The following RBFOX1 variants were observed in gnomAD, a reference collection of about 807,000 sequenced individuals.
RBFOX1 encodes RNA binding fox-1 homolog 1, also known as RNA binding protein fox-1 homolog 1.
A neutral mutation model predicts 57.7 loss-of-function variants in RBFOX1; 8 were observed. That is an observed-to-expected ratio of 0.14 (90% CI 0.08 to 0.25). The LOEUF (loss-of-function observed/expected upper bound fraction) is 0.25. Among genes scored for constraint, RBFOX1 ranks in the 10% least tolerant of loss-of-function variants. The pLI, the probability that RBFOX1 is intolerant of heterozygous loss-of-function variation, is 1.00. For missense variants in RBFOX1, 611 were observed against 548.5 expected, an observed-to-expected ratio of 1.11 and a Z score of -1.14; for synonymous variants, 326 against 222.4, an observed-to-expected ratio of 1.47 and a Z score of -4.15.
At chr16:7,603,843 T>C (rs1026925571) in intron 9 of RBFOX1, among the ~76,000 whole-genome samples, 2 of 152,164 alleles carry the variant, frequency 1.3e-5, no homozygotes, top group South Asian at 2.1e-4. Context: ...GAAGAAGCTA[T>C]TGAATTCTGA....
At chr16:7,707,068 C>CA (rs2082694352) in intron 14 of RBFOX1, among the ~76,000 whole-genome samples, 1 of 152,180 alleles carries the variant, frequency 6.6e-6, no homozygotes, top group Non-Finnish European at 1.5e-5. Flanking sequence ...GTTTCACTGA[C>CA]AGATTCACCT....
At chr16:6,571,482 C>G (rs905501948) in intron 2 of RBFOX1, among the ~76,000 whole-genome samples, 1 of 152,000 alleles carries the variant, frequency 6.6e-6, no homozygotes, top group African/African-American at 2.4e-5. Flanking sequence ...ATTTTCTTTC[C>G]TGATTTGAGT....
chr16:6,400,748 G>A (rs2159547), intron 2 of RBFOX1, among the ~76,000 whole-genome samples: 100,038 of 151,852 alleles, frequency 0.66, 33,708 homozygotes, highest in African/African-American at 0.81. Context: ...AAATTCAGAA[G>A]TTAACCAGGC....
chr16:7,180,457 A>G (rs1158072754), intron 4 of RBFOX1, among the ~76,000 whole-genome samples: 4 of 152,032 alleles, frequency 2.6e-5, no homozygotes, highest in African/African-American at 9.7e-5. Flanking sequence ...CATTCTACAG[A>G]CGTGTTTTCA....
chr16:5,485,361 A>AAAAAAAAAAAAAAAAAG (rs2069695166), intron 2 of RBFOX1, among the ~76,000 whole-genome samples: 1 of 150,190 alleles, frequency 6.7e-6, no homozygotes, highest in Non-Finnish European at 1.5e-5. Context: ...AAAAAAAAAA[A>AAAAAAAAAAAAAAAAAG]AAAAAAAGTG....
intron 1 of RBFOX1, among the ~76,000 whole-genome samples, chr16:5,263,878 G>A (rs888352928): frequency 6.6e-6 from 1 of 152,192 alleles, no homozygotes; most frequent in Non-Finnish European, 1.5e-5. Context: ...GAAGAGAAGT[G>A]AAGTCTACCA....
intron 1 of RBFOX1, among the ~76,000 whole-genome samples, chr16:6,169,559 G>A (rs1342505941): frequency 6.6e-6 from 1 of 152,160 alleles, no homozygotes; most frequent in Non-Finnish European, 1.5e-5. Context: ...GCACAGCCAC[G>A]TGGTGGAAGA....
intron 3 of RBFOX1, among the ~76,000 whole-genome samples, chr16:5,849,243 T>C: frequency 6.6e-6 from 1 of 152,302 alleles, no homozygotes; most frequent in Admixed American, 6.5e-5. Context: ...GGAAGGGTTC[T>C]TGACTTTAAG....
intron 4 of RBFOX1, among the ~76,000 whole-genome samples, chr16:7,053,423 A>T (rs1384508134): frequency 6.6e-6 from 1 of 152,128 alleles, no homozygotes; most frequent in South Asian, 2.1e-4. Context: ...TTACTGGTTC[A>T]TCCTGTTAAA....
chr16:7,335,439 G>A (rs560051913), intron 4 of RBFOX1, among the ~76,000 whole-genome samples: 37 of 152,186 alleles, frequency 2.4e-4, no homozygotes, highest in Non-Finnish European at 4.4e-4. Context: ...CACTTGGAAG[G>A]ATTGTTGTAT....
chr16:6,178,640 T>C (rs72774572), intron 1 of RBFOX1, among the ~76,000 whole-genome samples: 5,284 of 152,294 alleles, frequency 0.035, 134 homozygotes, highest in Admixed American at 0.077. Flanking sequence ...ATTAATCCCT[T>C]GGTTATTGAA....
intron 4 of RBFOX1, among the ~76,000 whole-genome samples, chr16:7,364,511 A>G (rs1012061336): frequency 4.6e-5 from 7 of 151,118 alleles, no homozygotes; most frequent in Admixed American, 1.3e-4. Flanking sequence ...TACTTGGACT[A>G]TCTTTGGCAA....
intron 3 of RBFOX1, among the ~76,000 whole-genome samples, chr16:6,971,142 GT>G (rs2085445243): frequency 2.0e-5 from 3 of 152,206 alleles, no homozygotes; most frequent in Admixed American, 1.3e-4. Flanking sequence ...AATTGAGTGG[GT>G]CTACTAATAC....
intron 4 of RBFOX1, among the ~76,000 whole-genome samples, chr16:7,056,430 C>G (rs956380950): frequency 2.0e-5 from 3 of 152,174 alleles, no homozygotes; most frequent in Non-Finnish European, 4.4e-5. Flanking sequence ...TGTGCATTAA[C>G]CACTCCTGAT....
At chr16:5,821,581 G>A (rs910030756) in intron 3 of RBFOX1, among the ~76,000 whole-genome samples, 1 of 152,126 alleles carries the variant, frequency 6.6e-6, no homozygotes, top group African/African-American at 2.4e-5. Flanking sequence ...GGGATTATAG[G>A]CATGACCTAC....
rs77529181 is a variant in RBFOX1 at position 7,072,077 on chromosome 16, C to T, written c.27+19979C>T. Among the ~76,000 whole-genome samples, 791 of 152,266 alleles carry T rather than the reference C, an allele frequency of 5.2e-3. 8 individuals carry two copies. Among genetic ancestry groups the T allele is most frequent in the African/African-American group, 0.018 (749 of 41,548 alleles). On this transcript the variant is annotated intron_variant, in intron 4 of 15. Transcript: ENST00000550418. ...TCAATAGCATTCCAACTTTCTGACC[C>T]GTTCTCTAGTCTTTGTTCCTTTTAC...
intron 4 of RBFOX1, among the ~76,000 whole-genome samples, chr16:7,155,072 T>C (rs74009261): frequency 6.6e-6 from 1 of 152,160 alleles, no homozygotes; most frequent in Non-Finnish European, 1.5e-5. Context: ...TGTGTGTGTT[T>C]CTTCAAGGTA....
At chr16:7,364,302 C>T (rs1397171806) in intron 4 of RBFOX1, among the ~76,000 whole-genome samples, 1 of 151,998 alleles carries the variant, frequency 6.6e-6, no homozygotes, top group Non-Finnish European at 1.5e-5. Flanking sequence ...GTTTATCTTG[C>T]AGTTACTATG....
intron 2 of RBFOX1, among the ~76,000 whole-genome samples, chr16:5,472,672 T>C (rs1331531374): frequency 6.6e-6 from 1 of 152,188 alleles, no homozygotes; most frequent in Non-Finnish European, 1.5e-5. Context: ...TGTTTGTAAA[T>C]TCACAGCGCC....
Sources: allele counts gnomAD v4.1 joint callset (sites outside exome capture counted in the v4.1 genomes callset), GRCh38; gene constraint gnomAD v4.1.1; transcripts MANE v1.5; gene names NCBI Gene and HGNC (gene_info 2026-07-23, HGNC 2026-07-21).